The following ARL6IP6 variants were observed in gnomAD, a reference collection of about 807,000 sequenced individuals.
The protein encoded by ARL6IP6 is ADP-ribosylation factor-like protein 6-interacting protein 6.
ARL6IP6 carries 22 observed loss-of-function variants against 21.5 expected under a neutral mutation model. The ratio of observed to expected loss-of-function variants is 1.02; its 90% CI spans 0.73 to 1.46. The LOEUF is 1.46. ARL6IP6 is among the 40% of genes most tolerant of loss of function. The pLI is 0.00. For missense variants in ARL6IP6, 388 were observed against 299.8 expected (o/e 1.29, Z -2.17); for synonymous variants, 164 against 125.3 (o/e 1.31, Z -2.06).
intron 3 of ARL6IP6, among the ~76,000 whole-genome samples, chr2:152,755,754 T>C (rs1235723069): frequency 1.3e-5 from 2 of 152,174 alleles, no homozygotes; most frequent in Non-Finnish European, 2.9e-5. Context: ...TCTCCGCGAA[T>C]TGGTGGTAGT....
intron 3 of ARL6IP6, among the ~76,000 whole-genome samples, chr2:152,743,405 A>G (rs955417002): frequency 3.3e-5 from 5 of 152,196 alleles, no homozygotes; most frequent in Admixed American, 6.6e-5. Context: ...TTAACAGCAT[A>G]TACTCAAATA....
chr2:152,750,139 AG>A (rs780999292), intron 3 of ARL6IP6, among the ~76,000 whole-genome samples: 1 of 152,116 alleles, frequency 6.6e-6, no homozygotes, highest in African/African-American at 2.4e-5. Flanking sequence ...AATCTTTTTG[AG>A]GTGTTTTTTA....
chr2:152,721,718 A>G (rs186018727), intron 2 of ARL6IP6, among the ~76,000 whole-genome samples: 1 of 152,314 alleles, frequency 6.6e-6, no homozygotes, highest in African/African-American at 2.4e-5. Context: ...ATTCTTTCCT[A>G]AACTCTCTAA....
intron 3 of ARL6IP6, among the ~76,000 whole-genome samples, chr2:152,746,650 G>A (rs1246456161): frequency 6.6e-6 from 1 of 152,044 alleles, no homozygotes; most frequent in African/African-American, 2.4e-5. Flanking sequence ...CTCATAGGCA[G>A]TAAGTGTAAG....
intron 3 of ARL6IP6, among the ~76,000 whole-genome samples, chr2:152,741,418 A>C (rs1700804236): frequency 6.6e-6 from 1 of 151,842 alleles, no homozygotes; most frequent in African/African-American, 2.4e-5. Flanking sequence ...TTTTAACAGA[A>C]TAGTTGAAGT....
At chr2:152,718,498 TCCGTGGTTTACC>T (rs1699363208), upstream of ARL6IP6, 1 of 1,360,118 alleles carries the variant, frequency 7.4e-7, no homozygotes. Flanking sequence ...ACCCTTGCTC[TCCGTGGTTTACC>T]CCTGGGCTCT....
rs1012351650 is a variant in ARL6IP6 at position 152,760,995 on chromosome 2, T to G, written c.*1155T>G. ...GACTTTTAATGTTTAGAAAGTTACC[T>G]CAGTTTTAGAAAGATGGACTACTTA... is the stretch of plus-strand genomic sequence containing the variant. On this transcript the variant is annotated 3_prime_UTR_variant, in exon 4 of 4. Transcript: ENST00000326446. The G allele has an allele frequency of 1.3e-5, 2 of 152,188 alleles. No individual in the cohort carries two copies. The highest frequency in any genetic ancestry group is 6.5e-5 in the Admixed American group (1 of 15,276). The allele number at this position is 152,188 out of a possible 1,614,324, so 9.4% of individuals were successfully genotyped here. A position where few individuals can be genotyped will look rare whatever the true frequency, so the allele number is the denominator to read the frequency against.
intron 3 of ARL6IP6, among the ~76,000 whole-genome samples, chr2:152,757,898 A>G (rs566883988): frequency 8.5e-5 from 13 of 152,358 alleles, no homozygotes; most frequent in African/African-American, 2.9e-4. Context: ...GTAAAATTCA[A>G]TTCTACCAAC....
chr2:152,728,599 C>CA (rs1349144241), intron 2 of ARL6IP6, among the ~76,000 whole-genome samples: 1 of 152,128 alleles, frequency 6.6e-6, no homozygotes, highest in Admixed American at 6.5e-5. Flanking sequence ...TGCTCCCTGA[C>CA]ACCAGAATGG....
intron 2 of ARL6IP6, among the ~76,000 whole-genome samples, chr2:152,730,031 C>A (rs994078848): frequency 1.3e-5 from 2 of 152,036 alleles, no homozygotes; most frequent in Admixed American, 1.3e-4. Context: ...GGTAATTTCC[C>A]GAATCATAAA....
intron 2 of ARL6IP6, among the ~76,000 whole-genome samples, chr2:152,721,469 T>A (rs929191168): frequency 2.6e-5 from 4 of 152,186 alleles, no homozygotes; most frequent in Admixed American, 6.5e-5. Context: ...TGAAAAAGGT[T>A]ATTCTATATT....
At chr2:152,744,652 T>C (rs530761234) in intron 3 of ARL6IP6, among the ~76,000 whole-genome samples, 11 of 152,290 alleles carry the variant, frequency 7.2e-5, no homozygotes, top group African/African-American at 2.6e-4. Flanking sequence ...GGGTATCTGC[T>C]ACCTTCCTCA....
At position 152,760,895 on chromosome 2, in the gene ARL6IP6, TTAAA is replaced by T. The variant is rs1245003492; in HGVS notation, c.*1057_*1060del. On this transcript the variant is annotated 3_prime_UTR_variant, in exon 4 of 4. Transcript: ENST00000326446. ...TAATATAATTTTATAATTTTTGTAA[TTAAA>T]TGTGCTCCTGTAATTGTGATATTTT... 6.6e-6 allele frequency: 1 copy of T among 152,044 alleles called. No homozygotes were observed. Among genetic ancestry groups the T allele is most frequent in the African/African-American group, 2.4e-5 (1 of 41,428 alleles). 9.4% of individuals were successfully genotyped at this position (152,044 alleles called of 1,614,324 possible). A position where few individuals can be genotyped will look rare whatever the true frequency, so the allele number is the denominator to read the frequency against.
chr2:152,750,273 A>C (rs1454655574), intron 3 of ARL6IP6, among the ~76,000 whole-genome samples: 1 of 152,150 alleles, frequency 6.6e-6, no homozygotes, highest in Non-Finnish European at 1.5e-5. Context: ...TAGGAGTTCC[A>C]GACCAGCCTG....
At chr2:152,746,810 T>C (rs887924527) in intron 3 of ARL6IP6, among the ~76,000 whole-genome samples, 3 of 145,794 alleles carry the variant, frequency 2.1e-5, no homozygotes, top group African/African-American at 7.5e-5. Flanking sequence ...TATCCTGAGA[T>C]TTTATCCTTT....
At position 152,762,056 on chromosome 2, in the gene ARL6IP6, A is replaced by G. The variant is rs1701868990; in HGVS notation, c.*2216A>G. ...CTGACACAGGGTCCAAATATAAATC[A>G]TCTATATGCAGAATGATTAGGCAAG... On this transcript the variant is annotated 3_prime_UTR_variant, in exon 4 of 4. Transcript: ENST00000326446. Among the ~76,000 whole-genome samples, 1 of 152,176 alleles carries G rather than the reference A, an allele frequency of 6.6e-6. No homozygotes were observed. The highest frequency in any genetic ancestry group is 2.4e-5 in the African/African-American group (1 of 41,436).
At chr2:152,730,515 T>C (rs543204510) in intron 2 of ARL6IP6, among the ~76,000 whole-genome samples, 2 of 152,304 alleles carry the variant, frequency 1.3e-5, no homozygotes, top group Admixed American at 6.5e-5. Context: ...CCCTAAGTTG[T>C]AGTTGTAGAC....
chr2:152,728,069 G>A (rs1700126264), intron 2 of ARL6IP6, among the ~76,000 whole-genome samples: 1 of 151,838 alleles, frequency 6.6e-6, no homozygotes, highest in African/African-American at 2.4e-5. Flanking sequence ...TTTTTTCACT[G>A]TTATAGGAAA....
In ARL6IP6 at chr2:152,758,828, C is replaced by A. The variant is rs370754108; in HGVS notation, c.588-919C>A. ...AAGTGCTTCTCTGGCTTTGGCTACTCCTTAGGAAAGGAGGAGAGGATATGG... is the reference window on the plus strand; with the variant it reads ...AAGTGCTTCTCTGGCTTTGGCTACTACTTAGGAAAGGAGGAGAGGATATGG... On this transcript the variant is annotated intron_variant, in intron 3 of 3. Coordinates refer to ENST00000326446, the MANE Select transcript of ARL6IP6 (RefSeq NM_152522.7). Among the ~76,000 whole-genome samples the A allele has an allele frequency of 1.4e-3, 219 of 152,254 alleles. 1 individual carries two copies. The highest frequency in any genetic ancestry group is 0.01 in the Middle Eastern group (3 of 294).
Sources: allele counts gnomAD v4.1 joint callset (sites outside exome capture counted in the v4.1 genomes callset), GRCh38; gene constraint gnomAD v4.1.1; transcripts MANE v1.5; gene names NCBI Gene and HGNC (gene_info 2026-07-23, HGNC 2026-07-21).